Variants in ATP8A2 observed in about 807,000 individuals in gnomAD.
ATP8A2 encodes ATPase phospholipid transporting 8A2, also known as phospholipid-transporting ATPase IB.
In ATP8A2, 100 loss-of-function variants were observed where a neutral mutation model predicts 165.6. The observed-to-expected ratio is 0.60, with a 90% CI of 0.51 to 0.71. The LOEUF is 0.71. Among genes scored for constraint, ATP8A2 ranks in the 30% least tolerant of loss-of-function variants. ATP8A2 has a pLI of 0.00. For missense variants in ATP8A2, 1,227 were observed against 1,479.5 expected, an observed-to-expected ratio of 0.83 and a Z score of 2.80; for synonymous variants, 543 against 548.8, an observed-to-expected ratio of 0.99 and a Z score of 0.15.
chr13:25,464,183 A>T (rs1566151749), intron 1 of ATP8A2, among the ~76,000 whole-genome samples: 1 of 152,108 alleles, frequency 6.6e-6, no homozygotes, highest in African/African-American at 2.4e-5. Flanking sequence ...TCTGTGCTAG[A>T]TTATCTAAAA....
intron 24 of ATP8A2, among the ~76,000 whole-genome samples, chr13:25,664,075 G>T (rs1263213531): frequency 1.3e-5 from 2 of 152,100 alleles, no homozygotes; most frequent in Non-Finnish European, 2.9e-5. Context: ...CTAGTGTGGT[G>T]GCAGGCGCCT....
At chr13:25,523,442 A>C (rs2037736448) in intron 2 of ATP8A2, among the ~76,000 whole-genome samples, 1 of 151,964 alleles carries the variant, frequency 6.6e-6, no homozygotes, top group Non-Finnish European at 1.5e-5. Flanking sequence ...CTGGCTAGGT[A>C]TTAGTTCTTC....
chr13:25,714,148 AGGG>A (rs2043208703), intron 25 of ATP8A2, among the ~76,000 whole-genome samples: 1 of 151,948 alleles, frequency 6.6e-6, no homozygotes, highest in African/African-American at 2.4e-5. Flanking sequence ...GGAAGGAAGG[AGGG>A]AGGGAAGGAA....
At chr13:25,393,598 T>C (rs2033322121) in intron 1 of ATP8A2, among the ~76,000 whole-genome samples, 1 of 152,108 alleles carries the variant, frequency 6.6e-6, no homozygotes, top group Non-Finnish European at 1.5e-5. Context: ...GTATTTTTAG[T>C]AGAGATGGGG....
chr13:25,931,596 G>T (rs1319837229), intron 33 of ATP8A2, among the ~76,000 whole-genome samples: 1 of 152,180 alleles, frequency 6.6e-6, no homozygotes, highest in Admixed American at 6.5e-5. Flanking sequence ...GATGGTGGGT[G>T]CTCTGCCCGT....
At chr13:26,016,808 T>TA (rs947914771) in intron 36 of ATP8A2, among the ~76,000 whole-genome samples, 1 of 152,142 alleles carries the variant, frequency 6.6e-6, no homozygotes, top group Non-Finnish European at 1.5e-5. Flanking sequence ...AGGGAGAGAA[T>TA]CCTGCAGCCT....
chr13:25,378,332 G>GT (rs1054885528), intron 1 of ATP8A2, among the ~76,000 whole-genome samples: 4 of 149,330 alleles, frequency 2.7e-5, no homozygotes, highest in East Asian at 4.0e-4. Flanking sequence ...CATTAACTCT[G>GT]TTTTTTTTCC....
chr13:25,976,976 C>T (rs977785107), intron 35 of ATP8A2, among the ~76,000 whole-genome samples: 4 of 151,212 alleles, frequency 2.6e-5, no homozygotes, highest in East Asian at 2.0e-4. Flanking sequence ...TTAGTAGAGA[C>T]GGGGTTTCAC....
At position 25,485,012 on chromosome 13, in the gene ATP8A2, C is replaced by T. The variant is rs114162289; in HGVS notation, c.221+15891C>T. ...GTATCACAATTATTTCTCTAGTACT[C>T]AGCTTTGTTAAAACTGCCTCATAGT... On this transcript the variant is annotated intron_variant, in intron 2 of 36. Coordinates refer to ENST00000381655, the MANE Select transcript of ATP8A2 (RefSeq NM_016529.6). Among the ~76,000 whole-genome samples, 333 of 152,316 alleles carry T rather than the reference C, an allele frequency of 2.2e-3. 2 individuals carry two copies. Among genetic ancestry groups the T allele is most frequent in the African/African-American group, 7.5e-3 (313 of 41,576 alleles).
At chr13:25,905,858 A>G (rs999082132) in intron 33 of ATP8A2, among the ~76,000 whole-genome samples, 3 of 152,186 alleles carry the variant, frequency 2.0e-5, no homozygotes, top group Non-Finnish European at 4.4e-5. Context: ...CAAACCATAA[A>G]TGAGAGAACT....
intron 30 of ATP8A2, among the ~76,000 whole-genome samples, chr13:25,848,656 C>T (rs905958401): frequency 6.6e-6 from 1 of 152,144 alleles, no homozygotes; most frequent in Admixed American, 6.5e-5. Context: ...CAGCAATAGG[C>T]TTATATAACC....
At chr13:25,864,993 G>A (rs192347866) in intron 33 of ATP8A2, among the ~76,000 whole-genome samples, 7 of 152,288 alleles carry the variant, frequency 4.6e-5, no homozygotes, top group African/African-American at 9.6e-5. Context: ...TTGAAAAATG[G>A]CAGGGAAGTA....
intron 6 of ATP8A2, among the ~76,000 whole-genome samples, chr13:25,534,829 G>C (rs1037397034): frequency 6.6e-6 from 1 of 152,164 alleles, no homozygotes; most frequent in African/African-American, 2.4e-5. Flanking sequence ...AGAGCTGCTG[G>C]AACCCAGATG....
intron 33 of ATP8A2, among the ~76,000 whole-genome samples, chr13:25,940,402 C>T (rs540932825): frequency 7.9e-5 from 12 of 152,292 alleles, no homozygotes; most frequent in African/African-American, 2.4e-4. Context: ...CCTCCCTGCA[C>T]CACTTTCCCT....
chr13:25,384,710 T>C (rs922000620), intron 1 of ATP8A2, among the ~76,000 whole-genome samples: 1 of 152,244 alleles, frequency 6.6e-6, no homozygotes, highest in Non-Finnish European at 1.5e-5. Flanking sequence ...GTATTGAATA[T>C]GCACCCATTT....
chr13:25,676,979 A>G (rs1221072756), intron 24 of ATP8A2, among the ~76,000 whole-genome samples: 1 of 152,110 alleles, frequency 6.6e-6, no homozygotes, highest in African/African-American at 2.4e-5. Context: ...TGCCTTTGTT[A>G]TTGGGAAGAG....
intron 25 of ATP8A2, among the ~76,000 whole-genome samples, chr13:25,710,826 A>C (rs1039270170): frequency 1.6e-5 from 2 of 127,828 alleles, no homozygotes; most frequent in African/African-American, 5.7e-5. Flanking sequence ...GTGTGGTGGG[A>C]AATCCTAATG....
chr13:25,715,734 G>T (rs2043242413), intron 25 of ATP8A2, among the ~76,000 whole-genome samples: 1 of 152,036 alleles, frequency 6.6e-6, no homozygotes, highest in South Asian at 2.1e-4. Context: ...TTTACTTCTT[G>T]GCTACTATGA....
At chr13:25,715,337 T>C (rs1006950476) in intron 25 of ATP8A2, among the ~76,000 whole-genome samples, 11 of 152,212 alleles carry the variant, frequency 7.2e-5, no homozygotes, top group Admixed American at 5.2e-4. Flanking sequence ...AATAACAGCT[T>C]TATTGAAATA....
Sources: allele counts gnomAD v4.1 joint callset (sites outside exome capture counted in the v4.1 genomes callset), GRCh38; gene constraint gnomAD v4.1.1; transcripts MANE v1.5; gene names NCBI Gene and HGNC (gene_info 2026-07-23, HGNC 2026-07-21).